TENM1: variants seen among roughly 807,000 people sequenced by gnomAD.
TENM1 encodes the protein teneurin-1.
A neutral mutation model predicts 174.8 loss-of-function variants in TENM1; 35 were observed. That is an observed-to-expected ratio of 0.20 (90% CI 0.15 to 0.27). The LOEUF is 0.27. TENM1 is among the 10% of genes least tolerant of loss of function. TENM1 has a pLI of 1.00. For missense variants in TENM1, 1,633 were observed against 2,130.1 expected (o/e 0.77, Z 4.59); for synonymous variants, 781 against 798.7 (o/e 0.98, Z 0.37).
intron 5 of TENM1, among the ~76,000 whole-genome samples, chrX:124,691,193 A>G (rs1440849727): frequency 8.9e-6 from 1 of 111,946 alleles, no homozygotes; most frequent in Non-Finnish European, 1.9e-5. Context: ...CCTACTAAGT[A>G]AAGTTCAAAT....
At chrX:124,981,494 G>A in the TENM1 span, among the ~76,000 whole-genome samples, 1 of 111,925 alleles carries the variant, frequency 8.9e-6, no homozygotes, top group African/African-American at 3.2e-5. Context: ...CATATGGCAT[G>A]CTTGTTGGTG....
chrX:125,149,304 T>C, the TENM1 span, among the ~76,000 whole-genome samples: 3 of 112,418 alleles, frequency 2.7e-5, no homozygotes, highest in East Asian at 8.4e-4. Context: ...ATCTTCTTTC[T>C]GGACAGCCTA....
At chrX:124,810,805 G>A (rs1249666895) in intron 3 of TENM1, among the ~76,000 whole-genome samples, 1 of 111,418 alleles carries the variant, frequency 9.0e-6, no homozygotes, top group Non-Finnish European at 1.9e-5. Context: ...ATATTACAAA[G>A]TTACAGTAAC....
At chrX:124,536,231 T>C (rs766301693) in intron 15 of TENM1, among the ~76,000 whole-genome samples, 1 of 111,913 alleles carries the variant, frequency 8.9e-6, no homozygotes, top group African/African-American at 3.2e-5. Context: ...CTTAATGTTA[T>C]AGCATAAACC....
chrX:125,025,663 A>C, the TENM1 span, among the ~76,000 whole-genome samples: 25 of 111,273 alleles, frequency 2.2e-4, no homozygotes, highest in African/African-American at 7.5e-4. Flanking sequence ...AAAAGGTTAC[A>C]GATTTGTAAG....
At chrX:124,567,805 TTC>T (rs1306478737) in intron 11 of TENM1, among the ~76,000 whole-genome samples, 1 of 111,903 alleles carries the variant, frequency 8.9e-6, no homozygotes, top group Non-Finnish European at 1.9e-5. Context: ...GATATTATCA[TTC>T]TGTTCCCCTT....
At chrX:124,886,526 T>C (rs1161251038) in intron 3 of TENM1, among the ~76,000 whole-genome samples, 2 of 70,854 alleles carry the variant, frequency 2.8e-5, no homozygotes, top group Non-Finnish European at 5.1e-5. Flanking sequence ...CATATACATA[T>C]ATATATATAT....
chrX:125,047,300 C>T, the TENM1 span, among the ~76,000 whole-genome samples: 1 of 111,699 alleles, frequency 9.0e-6, no homozygotes, highest in Non-Finnish European at 1.9e-5. Flanking sequence ...ATTGTTTCCC[C>T]TGTTAGCACA....
chrX:124,888,606 G>T (rs1383126075), intron 3 of TENM1, among the ~76,000 whole-genome samples: 1 of 111,935 alleles, frequency 8.9e-6, no homozygotes, highest in Non-Finnish European at 1.9e-5. Context: ...GCTGGGTTCT[G>T]CTAGGCTAAA....
chrX:125,095,877 A>G, the TENM1 span, among the ~76,000 whole-genome samples: 1 of 111,672 alleles, frequency 9.0e-6, no homozygotes, highest in Non-Finnish European at 1.9e-5. Flanking sequence ...TCAGAAAAAA[A>G]TTGGAGAGCT....
the TENM1 span, among the ~76,000 whole-genome samples, chrX:125,018,844 G>C: frequency 9.0e-6 from 1 of 111,700 alleles, no homozygotes; most frequent in Admixed American, 9.6e-5. Context: ...TGAGCGGACA[G>C]ATCTTAGCTT....
intron 14 of TENM1, among the ~76,000 whole-genome samples, chrX:124,555,986 A>G (rs2048683863): frequency 8.9e-6 from 1 of 112,264 alleles, no homozygotes; most frequent in Admixed American, 9.5e-5. Context: ...CCAGATCAGC[A>G]GCAGACAAAA....
intron 20 of TENM1, among the ~76,000 whole-genome samples, chrX:124,490,546 A>G (rs902556572): frequency 8.9e-6 from 1 of 112,180 alleles, no homozygotes; most frequent in Non-Finnish European, 1.9e-5. Context: ...ACAATGTATG[A>G]AATATTAAGC....
chrX:125,064,206 GT>G, the TENM1 span, among the ~76,000 whole-genome samples: 3 of 110,114 alleles, frequency 2.7e-5, no homozygotes, highest in Non-Finnish European at 3.8e-5. Flanking sequence ...TACACCTAAT[GT>G]TAAATGACGA....
At chrX:124,450,976 A>G (rs1202053132) in intron 23 of TENM1, among the ~76,000 whole-genome samples, 3 of 112,366 alleles carry the variant, frequency 2.7e-5, no homozygotes, top group East Asian at 2.8e-4. Context: ...TCTGTGATAC[A>G]CTAATCAATT....
chrX:125,053,906 G>A, the TENM1 span, among the ~76,000 whole-genome samples: 1 of 111,075 alleles, frequency 9.0e-6, no homozygotes, highest in Non-Finnish European at 1.9e-5. Context: ...CAAGCAGTCT[G>A]GCTTCACCAC....
intron 25 of TENM1, among the ~76,000 whole-genome samples, chrX:124,407,448 T>A (rs772655119): frequency 8.9e-6 from 1 of 112,591 alleles, no homozygotes; most frequent in South Asian, 3.6e-4. Flanking sequence ...TTTTAAAATG[T>A]TAAACAATTA....
chrX:124,828,125 A>C (rs1004128661), intron 3 of TENM1, among the ~76,000 whole-genome samples: 27 of 112,033 alleles, frequency 2.4e-4, no homozygotes, highest in Admixed American at 2.3e-3. Context: ...ACTGAATATA[A>C]AAAAATTTAA....
intron 18 of TENM1, among the ~76,000 whole-genome samples, chrX:124,513,287 G>A (rs1214082553): frequency 9.0e-6 from 1 of 111,123 alleles, no homozygotes; most frequent in Non-Finnish European, 1.9e-5. Flanking sequence ...AGCCAGCAAT[G>A]TTGCATCTCT....
Sources: allele counts gnomAD v4.1 joint callset (sites outside exome capture counted in the v4.1 genomes callset), GRCh38; gene constraint gnomAD v4.1.1; transcripts MANE v1.5; gene names NCBI Gene and HGNC (gene_info 2026-07-23, HGNC 2026-07-21).